Variants in DENND5B observed in about 807,000 individuals in gnomAD.
The protein encoded by DENND5B is DENN domain containing 5B, also known as DENN domain-containing protein 5B.
DENND5B carries 34 observed loss-of-function variants against 140.6 expected under a neutral mutation model. That is an observed-to-expected ratio of 0.24 (90% CI 0.18 to 0.32). The LOEUF is 0.32. Ranked by LOEUF, DENND5B falls within the 10% of genes least tolerant of loss-of-function variation. DENND5B has a pLI of 1.00. For missense variants in DENND5B, 1,142 were observed against 1,560.2 expected, an observed-to-expected ratio of 0.73 and a Z score of 4.52; for synonymous variants, 551 against 562.1, an observed-to-expected ratio of 0.98 and a Z score of 0.28.
In DENND5B at chr12:31,495,837, G is replaced by A; in HGVS notation, c.210C>T (p.Asn70=). 2.5e-6 allele frequency: 4 copies of A among 1,611,916 alleles called. No individual in the cohort carries two copies. Among genetic ancestry groups the A allele is most frequent in the South Asian group, 1.1e-5 (1 of 90,654 alleles). The change falls in exon 2 of 21, where the codon AAC becomes AAT. Residue 70 remains asparagine (N), a synonymous_variant. Transcript: ENST00000389082. Reference sequence around the variant, plus strand: ...TGTTCACCGCATCTTGATCAAAAGGGTTCCATTCTATATTCTGAGGATAGT... The same window carrying A: ...TGTTCACCGCATCTTGATCAAAAGGATTCCATTCTATATTCTGAGGATAGT... ...LAHYPQNIEW[N]PFDQDAVNML...
chr12:31,485,991 C>A (rs1249595513), intron 2 of DENND5B, among the ~76,000 whole-genome samples: 1 of 152,196 alleles, frequency 6.6e-6, no homozygotes, highest in Non-Finnish European at 1.5e-5. Flanking sequence ...ACAGGCGCAG[C>A]CAACCAAAAG....
chr12:31,476,778 G>C (rs926413573), intron 3 of DENND5B, among the ~76,000 whole-genome samples: 4 of 152,026 alleles, frequency 2.6e-5, no homozygotes, highest in African/African-American at 9.7e-5. Flanking sequence ...AACACAGTGA[G>C]ACCCCATCTC....
chr12:31,545,376 TC>T (rs1471138162), intron 1 of DENND5B, among the ~76,000 whole-genome samples: 20 of 152,128 alleles, frequency 1.3e-4, no homozygotes, highest in Non-Finnish European at 1.9e-4. Context: ...TTTCAACCAT[TC>T]CCCTCCTTCC....
intron 1 of DENND5B, among the ~76,000 whole-genome samples, chr12:31,570,404 G>A (rs1465418090): frequency 1.4e-5 from 2 of 142,282 alleles, no homozygotes; most frequent in Non-Finnish European, 3.1e-5. Flanking sequence ...TCAGCCTCCC[G>A]AGTGGCTGAG....
At chr12:31,419,560 T>C (rs1942923482) in intron 11 of DENND5B, among the ~76,000 whole-genome samples, 1 of 152,216 alleles carries the variant, frequency 6.6e-6, no homozygotes. Context: ...AGGGACTGTA[T>C]GTTTCTACAG....
intron 1 of DENND5B, among the ~76,000 whole-genome samples, chr12:31,522,382 A>G (rs1947927668): frequency 6.6e-6 from 1 of 152,226 alleles, no homozygotes; most frequent in African/African-American, 2.4e-5. Flanking sequence ...GGCTGATCCC[A>G]ATTTCCTAGG....
At chr12:31,571,953 A>C (rs1487539004) in intron 1 of DENND5B, among the ~76,000 whole-genome samples, 1 of 152,204 alleles carries the variant, frequency 6.6e-6, no homozygotes, top group Non-Finnish European at 1.5e-5. Context: ...GGCCAGGTGC[A>C]GTGGCTCATG....
At chr12:31,466,529 C>A (rs1945275037) in intron 3 of DENND5B, among the ~76,000 whole-genome samples, 2 of 152,000 alleles carry the variant, frequency 1.3e-5, no homozygotes, top group Non-Finnish European at 2.9e-5. Flanking sequence ...CCCGTCTCTA[C>A]TAAAAATACA....
At chr12:31,479,077 T>C (rs186005165) in intron 3 of DENND5B, among the ~76,000 whole-genome samples, 50 of 152,274 alleles carry the variant, frequency 3.3e-4, no homozygotes, top group African/African-American at 9.6e-4. Context: ...CTGCTCACCT[T>C]TTCTCTCACT....
At chr12:31,581,974 T>G (rs916882890) in intron 1 of DENND5B, among the ~76,000 whole-genome samples, 20 of 152,228 alleles carry the variant, frequency 1.3e-4, no homozygotes, top group African/African-American at 4.8e-4. Flanking sequence ...AAATTCCATG[T>G]AAATGGTTGT....
intron 1 of DENND5B, among the ~76,000 whole-genome samples, chr12:31,533,384 T>C (rs1387574586): frequency 6.6e-6 from 1 of 152,262 alleles, no homozygotes; most frequent in Non-Finnish European, 1.5e-5. Context: ...TCATTTTTGT[T>C]GTTAAAACTT....
chr12:31,497,578 G>C (rs1013509948), intron 1 of DENND5B, among the ~76,000 whole-genome samples: 7 of 151,084 alleles, frequency 4.6e-5, no homozygotes, highest in African/African-American at 1.7e-4. Context: ...TTTTTAAGCT[G>C]ATGCTAGATT....
intron 1 of DENND5B, among the ~76,000 whole-genome samples, chr12:31,529,654 A>G (rs1357528162): frequency 3.3e-5 from 5 of 151,928 alleles, no homozygotes; most frequent in Admixed American, 2.0e-4. Flanking sequence ...GTGAAACCCC[A>G]TCTCTACCAA....
At chr12:31,565,987 A>C (rs1384302377) in intron 1 of DENND5B, among the ~76,000 whole-genome samples, 4 of 151,864 alleles carry the variant, frequency 2.6e-5, no homozygotes, top group Non-Finnish European at 5.9e-5. Context: ...AGAAAAAAAA[A>C]TATAAAAATT....
chr12:31,422,408 C>T (rs1029818920), intron 11 of DENND5B, among the ~76,000 whole-genome samples: 2 of 149,812 alleles, frequency 1.3e-5, no homozygotes, highest in Non-Finnish European at 3.0e-5. Context: ...CCAGCCTGGG[C>T]GACACAGCGA....
intron 1 of DENND5B, among the ~76,000 whole-genome samples, chr12:31,497,543 C>G (rs1946806147): frequency 6.6e-6 from 1 of 151,602 alleles, no homozygotes; most frequent in Non-Finnish European, 1.5e-5. Flanking sequence ...GGGCTCAGAA[C>G]TGATTTCAGG....
Position 31,447,384 on chromosome 12 carries a change from A to G in DENND5B, c.1861+154T>C, listed in dbSNP as rs183197229. 2.7e-3 allele frequency among the ~76,000 whole-genome samples: 412 copies of G among 152,318 alleles called. 2 individuals carry two copies. The highest frequency in any genetic ancestry group is 0.02 in the Middle Eastern group (6 of 294). On this transcript the variant is annotated intron_variant, in intron 6 of 20. Transcript: ENST00000389082. ...AACGTCAAGTAGGAGTAGGACTCAG[A>G]AAGAAAAATTTACAAAGCATTTCGT...
At chr12:31,478,145 C>T (rs1479255872) in intron 3 of DENND5B, among the ~76,000 whole-genome samples, 1 of 152,014 alleles carries the variant, frequency 6.6e-6, no homozygotes, top group Non-Finnish European at 1.5e-5. Context: ...GAATAACTTC[C>T]TGACAACAAA....
intron 3 of DENND5B, among the ~76,000 whole-genome samples, chr12:31,470,423 A>T (rs1388729926): frequency 2.0e-5 from 3 of 149,708 alleles, no homozygotes; most frequent in South Asian, 2.1e-4. Context: ...CTTATTTTTA[A>T]TTTTTTTGTA....
Sources: allele counts gnomAD v4.1 joint callset (sites outside exome capture counted in the v4.1 genomes callset), GRCh38; gene constraint gnomAD v4.1.1; transcripts MANE v1.5; gene names NCBI Gene and HGNC (gene_info 2026-07-23, HGNC 2026-07-21).